Variants in GRIK1 observed in about 807,000 individuals in gnomAD.
GRIK1 encodes the protein glutamate receptor ionotropic, kainate 1.
A neutral mutation model predicts 105.7 loss-of-function variants in GRIK1; 69 were observed. That is an observed-to-expected ratio of 0.65 (90% CI 0.54 to 0.80). GRIK1 has a LOEUF of 0.80. Ranked by LOEUF, GRIK1 falls within the 30% of genes least tolerant of loss-of-function variation. The pLI, the probability that GRIK1 is intolerant of heterozygous loss-of-function variation, is 0.00. For missense variants in GRIK1, 1,109 were observed against 1,167.3 expected, an observed-to-expected ratio of 0.95 and a Z score of 0.73; for synonymous variants, 438 against 431.3, an observed-to-expected ratio of 1.02 and a Z score of -0.19.
intron 1 of GRIK1, among the ~76,000 whole-genome samples, chr21:29,775,511 G>T (rs2065920639): frequency 6.6e-6 from 1 of 152,058 alleles, no homozygotes; most frequent in Admixed American, 6.6e-5. Flanking sequence ...TGCACTCCTG[G>T]TACAGTCCAG....
intron 12 of GRIK1, chr21:29,582,245 T>C (rs1003411393): frequency 4.5e-6 from 2 of 445,092 alleles, no homozygotes; most frequent in Non-Finnish European, 9.3e-6. Flanking sequence ...ATTAACTACA[T>C]AGCATGCCTC....
chr21:29,739,140 G>A (rs1174035903), intron 1 of GRIK1, among the ~76,000 whole-genome samples: 1 of 152,178 alleles, frequency 6.6e-6, no homozygotes, highest in African/African-American at 2.4e-5. Context: ...ATAATGACAG[G>A]CAGTGAAAAG....
chr21:29,802,018 C>T (rs1411192914), intron 1 of GRIK1, among the ~76,000 whole-genome samples: 2 of 152,148 alleles, frequency 1.3e-5, no homozygotes, highest in Non-Finnish European at 2.9e-5. Flanking sequence ...GCATTTATTT[C>T]TCCCTGAGGC....
At chr21:29,886,034 A>G (rs2069614876) in intron 1 of GRIK1, among the ~76,000 whole-genome samples, 1 of 152,078 alleles carries the variant, frequency 6.6e-6, no homozygotes, top group South Asian at 2.1e-4. Flanking sequence ...CACTCTTCCT[A>G]TAGATTTAGA....
intron 1 of GRIK1, among the ~76,000 whole-genome samples, chr21:29,801,073 G>T (rs983107057): frequency 1.3e-5 from 2 of 152,040 alleles, no homozygotes; most frequent in African/African-American, 4.8e-5. Flanking sequence ...AAGAAATCAA[G>T]ACAGACTGGT....
rs555791369 is a variant in GRIK1 at position 29,671,795 on chromosome 21, TA to T, written c.726+1187del. 1.9e-3 allele frequency among the ~76,000 whole-genome samples: 294 copies of T among 152,298 alleles called. 1 individual carries two copies. The highest frequency in any genetic ancestry group is 4.2e-3 in the Admixed American group (64 of 15,300). ...ATAAAGAGATGGCCGGCAGACCACATAAATATAACCTGGATATTTTTTCTTT... is the reference window on the plus strand; with the variant it reads ...ATAAAGAGATGGCCGGCAGACCACATAATATAACCTGGATATTTTTTCTTT... On this transcript the variant is annotated intron_variant, in intron 4 of 17. Transcript: ENST00000327783.
chr21:29,588,803 C>T (rs750640180), intron 11 of GRIK1, 36 bp downstream of exon 11: 3 of 1,066,942 alleles, frequency 2.8e-6, no homozygotes, highest in South Asian at 1.3e-5. Flanking sequence ...TTCTCTTATG[C>T]ATATTTTCAG....
At chr21:29,554,265 A>G (rs1412993987) in intron 16 of GRIK1, among the ~76,000 whole-genome samples, 11 of 152,322 alleles carry the variant, frequency 7.2e-5, no homozygotes, top group Admixed American at 7.2e-4. Context: ...TTAAAAATTC[A>G]AAGCAGAGCC....
At chr21:29,815,288 T>A (rs2067126062) in intron 1 of GRIK1, among the ~76,000 whole-genome samples, 2 of 152,278 alleles carry the variant, frequency 1.3e-5, no homozygotes, top group South Asian at 4.1e-4. Flanking sequence ...TTTAGGGAAG[T>A]CACCTAACTT....
At chr21:29,565,067 A>G (rs763832416) in intron 14 of GRIK1, among the ~76,000 whole-genome samples, 4 of 152,184 alleles carry the variant, frequency 2.6e-5, no homozygotes, top group African/African-American at 4.8e-5. Context: ...GACACCTTTG[A>G]GCAGGGAGGG....
chr21:29,833,922 G>A (rs144063873), intron 1 of GRIK1, among the ~76,000 whole-genome samples: 2 of 152,218 alleles, frequency 1.3e-5, no homozygotes, highest in Admixed American at 1.3e-4. Context: ...ATTTATGGCA[G>A]CCCTGATTTG....
At chr21:29,815,664 A>C (rs1366083857) in intron 1 of GRIK1, among the ~76,000 whole-genome samples, 1 of 152,182 alleles carries the variant, frequency 6.6e-6, no homozygotes, top group African/African-American at 2.4e-5. Flanking sequence ...CATTTATAAA[A>C]AGAATGTCTT....
At chr21:29,663,044 C>A (rs761831049) in intron 4 of GRIK1, among the ~76,000 whole-genome samples, 2 of 152,168 alleles carry the variant, frequency 1.3e-5, no homozygotes, top group Non-Finnish European at 2.9e-5. Context: ...ACACGATGTT[C>A]ACTACAGTAA....
chr21:29,893,044 C>T (rs544362956), intron 1 of GRIK1, among the ~76,000 whole-genome samples: 4 of 152,236 alleles, frequency 2.6e-5, no homozygotes, highest in Non-Finnish European at 5.9e-5. Flanking sequence ...TGGTGACACA[C>T]GCCTATAGTT....
chr21:29,842,311 T>G (rs987900577), intron 1 of GRIK1, among the ~76,000 whole-genome samples: 1 of 152,148 alleles, frequency 6.6e-6, no homozygotes, highest in African/African-American at 2.4e-5. Flanking sequence ...GCAACTATAC[T>G]GAGAATGGAA....
chr21:29,742,138 T>G (rs1313852338), intron 1 of GRIK1, among the ~76,000 whole-genome samples: 3 of 152,212 alleles, frequency 2.0e-5, no homozygotes, highest in African/African-American at 7.2e-5. Context: ...GCAAAGTCTT[T>G]GGATGCAAGA....
At chr21:29,601,109 T>C (rs745483225) in intron 7 of GRIK1, 2 of 343,062 alleles carry the variant, frequency 5.8e-6, no homozygotes, top group Non-Finnish European at 1.3e-5. Flanking sequence ...GCATTTGAAA[T>C]GGTGGACTGA....
chr21:29,887,571 AC>A (rs1283743905), intron 1 of GRIK1, among the ~76,000 whole-genome samples: 2 of 152,092 alleles, frequency 1.3e-5, no homozygotes, highest in African/African-American at 2.4e-5. Flanking sequence ...ATACATAACC[AC>A]CAGGTGTCTT....
intron 1 of GRIK1, among the ~76,000 whole-genome samples, 153 bp downstream of exon 1, chr21:29,939,230 C>CT (rs2071884060): frequency 2.0e-5 from 3 of 152,296 alleles, no homozygotes; most frequent in Admixed American, 1.3e-4. Flanking sequence ...GCGGCTCCCC[C>CT]TTTTTTGTGT....
Sources: gnomAD v4.1 joint callset for allele counts (sites outside exome capture counted in the v4.1 genomes callset) on GRCh38, gnomAD v4.1.1 for gene constraint, MANE v1.5 for transcripts, NCBI Gene and HGNC (gene_info 2026-07-23, HGNC 2026-07-21) for gene names.